Variants in AKT3 observed in about 807,000 individuals in gnomAD.
AKT3 encodes RAC-gamma serine/threonine-protein kinase.
A neutral mutation model predicts 65.3 loss-of-function variants in AKT3; 15 were observed. The ratio of observed to expected loss-of-function variants is 0.23; its 90% CI spans 0.15 to 0.35. The LOEUF (loss-of-function observed/expected upper bound fraction) is 0.35. Among genes scored for constraint, AKT3 ranks in the 10% least tolerant of loss-of-function variants. AKT3 has a pLI of 1.00. For missense variants in AKT3, 243 were observed against 576.5 expected, an observed-to-expected ratio of 0.42 and a Z score of 5.92; for synonymous variants, 206 against 183.8, an observed-to-expected ratio of 1.12 and a Z score of -0.98.
Position 243,639,639 on chromosome 1 carries a change from T to C in AKT3, c.430-1897A>G, listed in dbSNP as rs182300964. On this transcript the variant is annotated intron_variant, in intron 5 of 13. Transcript: ENST00000673466. Reference sequence around the variant, plus strand: ...GCCATGACATATCGGGAAGTTACCCTGTATGGTCTGAAAACGGGGGAAACT... The same window carrying C: ...GCCATGACATATCGGGAAGTTACCCCGTATGGTCTGAAAACGGGGGAAACT... Among the ~76,000 whole-genome samples the C allele has an allele frequency of 2.5e-4, 38 of 152,320 alleles. No homozygotes were observed. The East Asian group carries it at 6.8e-3, about 27-fold the overall frequency.
intron 6 of AKT3, among the ~76,000 whole-genome samples, chr1:243,629,496 G>T (rs1420476743): frequency 6.6e-6 from 1 of 151,742 alleles, no homozygotes; most frequent in East Asian, 2.0e-4. Context: ...AAAATAAGTA[G>T]ATATGGGAGA....
intron 10 of AKT3, among the ~76,000 whole-genome samples, chr1:243,558,212 A>T (rs1247753021): frequency 6.6e-6 from 1 of 152,040 alleles, no homozygotes; most frequent in East Asian, 1.9e-4. Flanking sequence ...CACACCTACA[A>T]CACTAGTCCA....
At chr1:243,837,970 C>A (rs1260821166) in intron 2 of AKT3, among the ~76,000 whole-genome samples, 2 of 152,092 alleles carry the variant, frequency 1.3e-5, no homozygotes, top group African/African-American at 4.8e-5. Context: ...GATAACTTGA[C>A]CATCTATGTA....
chr1:243,849,142 G>A (rs966395057), intron 1 of AKT3, among the ~76,000 whole-genome samples: 19 of 152,206 alleles, frequency 1.2e-4, no homozygotes, highest in Admixed American at 1.2e-3. Context: ...TTTGGGCTCT[G>A]AAGGGCCCCA....
In AKT3 at chr1:243,794,760, G is replaced by A. The variant is rs74151219; in HGVS notation, c.46+48365C>T. Among the ~76,000 whole-genome samples the A allele has an allele frequency of 3.4e-3, 524 of 152,312 alleles. 2 individuals carry two copies. The highest frequency in any genetic ancestry group is 0.012 in the African/African-American group (497 of 41,564). The stretch of plus-strand genomic sequence containing the variant: ...AGCTTCAACTGGGAGAGAGCATACT[G>A]CTCAAAAATAAGAACCCAGCAGTCC... On this transcript the variant is annotated intron_variant, in intron 2 of 13. Coordinates refer to ENST00000673466, the MANE Select transcript of AKT3 (RefSeq NM_005465.7).
chr1:243,562,685 G>A (rs1056413976), intron 10 of AKT3, among the ~76,000 whole-genome samples: 14 of 152,100 alleles, frequency 9.2e-5, no homozygotes, highest in African/African-American at 3.4e-4. Context: ...CTACATGTAA[G>A]TGTTCCTGCC....
At chr1:243,689,470 A>G (rs1684550588) in intron 3 of AKT3, among the ~76,000 whole-genome samples, 1 of 147,942 alleles carries the variant, frequency 6.8e-6, no homozygotes, top group Non-Finnish European at 1.5e-5. Context: ...TGTATATAAT[A>G]TTTATTCAAA....
At chr1:243,662,099 C>T (rs1218983356) in intron 4 of AKT3, among the ~76,000 whole-genome samples, 1 of 151,360 alleles carries the variant, frequency 6.6e-6, no homozygotes, top group Non-Finnish European at 1.5e-5. Flanking sequence ...CACTTTTACA[C>T]TGTTGGTGGG....
At chr1:243,648,792 T>C (rs568740653) in intron 4 of AKT3, among the ~76,000 whole-genome samples, 7 of 152,274 alleles carry the variant, frequency 4.6e-5, no homozygotes, top group African/African-American at 1.7e-4. Flanking sequence ...TGTCAGTAAT[T>C]TGTGTCTTCC....
At chr1:243,809,864 T>C (rs1290000116) in intron 2 of AKT3, among the ~76,000 whole-genome samples, 4 of 152,112 alleles carry the variant, frequency 2.6e-5, no homozygotes. Flanking sequence ...AAACTAGAAC[T>C]CAGGATTAAG....
chr1:243,702,123 A>AT (rs1197939739), intron 2 of AKT3, among the ~76,000 whole-genome samples: 2 of 152,032 alleles, frequency 1.3e-5, no homozygotes, highest in African/African-American at 4.8e-5. Context: ...AAAAAAAAAA[A>AT]AAAAGCTGGC....
intron 6 of AKT3, among the ~76,000 whole-genome samples, chr1:243,619,420 T>C (rs1678576210): frequency 6.6e-6 from 1 of 152,144 alleles, no homozygotes; most frequent in African/African-American, 2.4e-5. Flanking sequence ...TTGTTAACTA[T>C]AGTCGCCCTA....
At chr1:243,618,410 G>A (rs996560082) in intron 6 of AKT3, among the ~76,000 whole-genome samples, 1 of 152,048 alleles carries the variant, frequency 6.6e-6, no homozygotes, top group Non-Finnish European at 1.5e-5. Flanking sequence ...TAAGGTATGC[G>A]CAAGCTAAAA....
downstream of AKT3, chr1:243,499,583 G>T: frequency 1.5e-6 from 1 of 664,242 alleles, no homozygotes; most frequent in Non-Finnish European, 2.7e-6. Flanking sequence ...GAAGGGCTTT[G>T]ATGTGGACAA....
intron 5 of AKT3, among the ~76,000 whole-genome samples, chr1:243,641,053 C>T (rs528785132): frequency 2.0e-5 from 3 of 152,068 alleles, no homozygotes; most frequent in Admixed American, 2.0e-4. Flanking sequence ...GGCAGAAAAA[C>T]ATGAAAAGGC....
chr1:243,770,972 A>T (rs2148276803), intron 2 of AKT3, among the ~76,000 whole-genome samples: 1 of 152,242 alleles, frequency 6.6e-6, no homozygotes, highest in Non-Finnish European at 1.5e-5. Flanking sequence ...TTCTAAAAAG[A>T]TATATGGGGG....
At chr1:243,849,670 G>C (rs1282256273) in intron 1 of AKT3, among the ~76,000 whole-genome samples, 1 of 151,602 alleles carries the variant, frequency 6.6e-6, no homozygotes, top group Non-Finnish European at 1.5e-5. Context: ...GCGAGGGGAA[G>C]GAGCGAGAGT....
At chr1:243,841,445 A>G (rs1186297946) in intron 2 of AKT3, among the ~76,000 whole-genome samples, 3 of 152,190 alleles carry the variant, frequency 2.0e-5, no homozygotes, top group Non-Finnish European at 4.4e-5. Flanking sequence ...CTCCAAAAAA[A>G]GTAGAATAAT....
At chr1:243,823,199 T>C (rs1275041192) in intron 2 of AKT3, among the ~76,000 whole-genome samples, 3 of 151,988 alleles carry the variant, frequency 2.0e-5, no homozygotes, top group African/African-American at 7.3e-5. Context: ...CTCAAAAGAC[T>C]CAGAAAAGGC....
Sources: allele counts gnomAD v4.1 joint callset (sites outside exome capture counted in the v4.1 genomes callset), GRCh38; gene constraint gnomAD v4.1.1; transcripts MANE v1.5; gene names NCBI Gene and HGNC (gene_info 2026-07-23, HGNC 2026-07-21).